Variants in RAP1GDS1 observed in about 807,000 individuals in gnomAD.
RAP1GDS1 encodes RAP1, GTP-GDP dissociation stimulator 1.
A neutral mutation model predicts 71.1 loss-of-function variants in RAP1GDS1; 35 were observed. The observed-to-expected ratio is 0.49, with a 90% CI of 0.38 to 0.65. RAP1GDS1 has a LOEUF of 0.65. Ranked by LOEUF, RAP1GDS1 falls within the 30% of genes least tolerant of loss-of-function variation. The probability of loss-of-function intolerance (pLI) is 0.00; values close to 1 mark genes in which losing one functional copy is unlikely to be tolerated. For synonymous variants in RAP1GDS1, 229 were observed against 243.1 expected (o/e 0.94, Z 0.54); for missense variants, 663 against 706.1 (o/e 0.94, Z 0.69).
chr4:98,313,237 A>C (rs1285523362), intron 2 of RAP1GDS1, among the ~76,000 whole-genome samples: 1 of 152,046 alleles, frequency 6.6e-6, no homozygotes, highest in East Asian at 1.9e-4. Flanking sequence ...TATTTGGGTA[A>C]GGTGTGTTGT....
chr4:98,329,485 C>T (rs1733617223), intron 2 of RAP1GDS1, among the ~76,000 whole-genome samples: 1 of 152,050 alleles, frequency 6.6e-6, no homozygotes, highest in Non-Finnish European at 1.5e-5. Context: ...TATTAGAAAC[C>T]TGCATTTAAA....
Position 98,443,817 on chromosome 4 carries a change from A to G in RAP1GDS1, c.*1700A>G, listed in dbSNP as rs1752147918. 1 of 180,648 alleles carries G rather than the reference A, an allele frequency of 5.5e-6. No homozygotes were observed. Among genetic ancestry groups the G allele is most frequent in the Non-Finnish European group, 1.2e-5 (1 of 84,516 alleles). 11.2% of individuals were successfully genotyped at this position (180,648 alleles called of 1,614,324 possible). A position where few individuals can be genotyped will look rare whatever the true frequency, so the allele number is the denominator to read the frequency against. The stretch of plus-strand genomic sequence containing the variant: ...TTGAAAGACATCTGTAATGTTGCAT[A>G]TCTGTTCATATTAATAACTTAATAA... On this transcript the variant is annotated 3_prime_UTR_variant, in exon 15 of 15. Coordinates refer to ENST00000408927, the MANE Select transcript of RAP1GDS1 (RefSeq NM_001100427.2).
chr4:98,410,042 G>A (rs113236131), intron 7 of RAP1GDS1, among the ~76,000 whole-genome samples: 130 of 152,296 alleles, frequency 8.5e-4, no homozygotes, highest in Middle Eastern at 6.8e-3. Context: ...AGGGCAAGAC[G>A]AGGATCACTT....
At chr4:98,420,181 A>G (rs1748611158) in intron 11 of RAP1GDS1, 37 bp downstream of exon 11, 3 of 1,475,744 alleles carry the variant, frequency 2.0e-6, no homozygotes, top group Non-Finnish European at 2.7e-6. Context: ...CATTTTTCAT[A>G]TGATAGTCTT....
intron 1 of RAP1GDS1, among the ~76,000 whole-genome samples, chr4:98,275,018 CTGTGTGTGTGTG>C (rs3974887): frequency 4.8e-4 from 69 of 144,926 alleles, no homozygotes; most frequent in African/African-American, 1.5e-3. Context: ...TTGTTTGCAG[CTGTGTGTGTGTG>C]TGTGTGTGTG....
intron 4 of RAP1GDS1, among the ~76,000 whole-genome samples, chr4:98,378,652 T>TATCA (rs1273071407): frequency 6.6e-6 from 1 of 151,976 alleles, no homozygotes; most frequent in African/African-American, 2.4e-5. Context: ...CAAAAACTTA[T>TATCA]ATCAATAGAA....
chr4:98,264,328 G>A (rs1317020062), intron 1 of RAP1GDS1, among the ~76,000 whole-genome samples: 2 of 152,026 alleles, frequency 1.3e-5, no homozygotes, highest in South Asian at 2.1e-4. Flanking sequence ...CCCGGGAGGC[G>A]GAGTTTGCAG....
chr4:98,312,850 G>A (rs1470690773), intron 2 of RAP1GDS1, among the ~76,000 whole-genome samples: 4 of 151,348 alleles, frequency 2.6e-5, no homozygotes, highest in South Asian at 2.1e-4. Context: ...CGGGTGGATC[G>A]CAAGGTCAGG....
intron 13 of RAP1GDS1, 145 bp downstream of exon 13, chr4:98,434,207 T>C: frequency 9.8e-7 from 1 of 1,020,636 alleles, no homozygotes; most frequent in Non-Finnish European, 1.4e-6. Flanking sequence ...TGGAAAATCA[T>C]TCTATATAGA....
chr4:98,431,791 G>A (rs1233628154), intron 12 of RAP1GDS1, among the ~76,000 whole-genome samples: 2 of 152,088 alleles, frequency 1.3e-5, no homozygotes, highest in African/African-American at 4.8e-5. Flanking sequence ...CTCCATAAAG[G>A]GTTGCCATCA....
chr4:98,297,576 T>C (rs1231849447), intron 2 of RAP1GDS1, among the ~76,000 whole-genome samples: 1 of 152,168 alleles, frequency 6.6e-6, no homozygotes, highest in Non-Finnish European at 1.5e-5. Flanking sequence ...GTGATTGTTT[T>C]GGGGTGCCGT....
chr4:98,423,479 G>C (rs1749165343), intron 12 of RAP1GDS1, among the ~76,000 whole-genome samples: 1 of 152,088 alleles, frequency 6.6e-6, no homozygotes, highest in Non-Finnish European at 1.5e-5. Flanking sequence ...GCACTTAAAG[G>C]GTTTTAAGCA....
At chr4:98,373,003 G>A (rs952561323) in intron 4 of RAP1GDS1, among the ~76,000 whole-genome samples, 1 of 152,154 alleles carries the variant, frequency 6.6e-6, no homozygotes, top group Non-Finnish European at 1.5e-5. Flanking sequence ...TTTTACTTTA[G>A]ACAGTCAATT....
chr4:98,405,743 T>C (rs907514448), intron 7 of RAP1GDS1, among the ~76,000 whole-genome samples: 2 of 151,874 alleles, frequency 1.3e-5, no homozygotes, highest in African/African-American at 4.8e-5. Context: ...AGCTACCTTC[T>C]CAACAGCAAC....
chr4:98,328,782 A>C (rs767375692), intron 2 of RAP1GDS1, among the ~76,000 whole-genome samples: 13 of 152,216 alleles, frequency 8.5e-5, no homozygotes, highest in Admixed American at 5.9e-4. Flanking sequence ...TCCTGGGTTC[A>C]AGTGATTCTC....
At chr4:98,377,846 A>G (rs973796952) in intron 4 of RAP1GDS1, among the ~76,000 whole-genome samples, 2 of 151,884 alleles carry the variant, frequency 1.3e-5, no homozygotes, top group Non-Finnish European at 2.9e-5. Context: ...GTAGCTGAAT[A>G]GTACAGTGTG....
chr4:98,407,285 A>T (rs976615379), intron 7 of RAP1GDS1, among the ~76,000 whole-genome samples: 2 of 151,910 alleles, frequency 1.3e-5, no homozygotes, highest in Non-Finnish European at 2.9e-5. Flanking sequence ...AATTTTGTTA[A>T]TCTGCACTTG....
chr4:98,274,359 T>G, intron 1 of RAP1GDS1, among the ~76,000 whole-genome samples: 1 of 152,274 alleles, frequency 6.6e-6, no homozygotes, highest in South Asian at 2.1e-4. Context: ...TTTACAGAAC[T>G]TATGATGGTT....
At chr4:98,310,763 G>A (rs757791685) in intron 2 of RAP1GDS1, among the ~76,000 whole-genome samples, 1 of 151,848 alleles carries the variant, frequency 6.6e-6, no homozygotes, top group Non-Finnish European at 1.5e-5. Flanking sequence ...GCACTTGAAC[G>A]GCAAAGTTGA....
Sources: allele counts gnomAD v4.1 joint callset (sites outside exome capture counted in the v4.1 genomes callset), GRCh38; gene constraint gnomAD v4.1.1; transcripts MANE v1.5; gene names NCBI Gene and HGNC (gene_info 2026-07-23, HGNC 2026-07-21).